The following NAV2 variants were observed in gnomAD, a reference collection of about 807,000 sequenced individuals.
NAV2 encodes the protein helicase, APC down-regulated 1.
Under a neutral mutation model 223.2 loss-of-function variants are expected in NAV2, and 54 were observed. That is an observed-to-expected ratio of 0.24 (90% CI 0.19 to 0.30). The LOEUF is 0.30. Among genes scored for constraint, NAV2 ranks in the 10% least tolerant of loss-of-function variants. The pLI is 1.00. For synonymous variants in NAV2, 1,279 were observed against 1,239.3 expected (o/e 1.03, Z -0.67); for missense variants, 2,806 against 3,147.5 (o/e 0.89, Z 2.60).
At chr11:19,618,272 G>A (rs943913577) in intron 1 of NAV2, among the ~76,000 whole-genome samples, 1 of 151,524 alleles carries the variant, frequency 6.6e-6, no homozygotes, top group Non-Finnish European at 1.5e-5. Context: ...GTGGCTGGAT[G>A]GATCAATGGA....
chr11:19,655,095 A>G (rs1214272764), intron 1 of NAV2, among the ~76,000 whole-genome samples: 1 of 152,250 alleles, frequency 6.6e-6, no homozygotes, highest in Non-Finnish European at 1.5e-5. Context: ...ATGAACAGAC[A>G]CTTCTCAAAA....
chr11:19,679,436 A>AAAAAAAAAAAAAAAAAAACAC (rs1470340544), intron 1 of NAV2, among the ~76,000 whole-genome samples: 1 of 151,726 alleles, frequency 6.6e-6, no homozygotes, highest in African/African-American at 2.4e-5. Context: ...GTCTCAAAAA[A>AAAAAAAAAAAAAAAAAAACAC]ACACAAAAAG....
intron 1 of NAV2, among the ~76,000 whole-genome samples, chr11:19,819,548 G>A (rs2059270005): frequency 6.6e-6 from 1 of 152,180 alleles, no homozygotes; most frequent in Non-Finnish European, 1.5e-5. Context: ...GGAGGCACAT[G>A]GGACCAGAGA....
At chr11:19,739,882 G>A (rs913972227) in intron 1 of NAV2, among the ~76,000 whole-genome samples, 3 of 152,174 alleles carry the variant, frequency 2.0e-5, no homozygotes, top group African/African-American at 7.2e-5. Context: ...GAGGGCCCTG[G>A]TGTTTGCTTT....
chr11:19,776,178 A>G (rs574030957), intron 1 of NAV2, among the ~76,000 whole-genome samples: 1 of 152,198 alleles, frequency 6.6e-6, no homozygotes, highest in Non-Finnish European at 1.5e-5. Flanking sequence ...ATCAGAAACA[A>G]GTTCCGAGGT....
chr11:19,877,474 T>TTTTTTTTTTTCTTTTTTCTTTTC (rs1264497937), intron 4 of NAV2, among the ~76,000 whole-genome samples: 1 of 130,426 alleles, frequency 7.7e-6, no homozygotes. Flanking sequence ...TTCATTCTTT[T>TTTTTTTTTTTCTTTTTTCTTTTC]TTTTTTTTTT....
At chr11:19,791,313 G>A (rs377418310) in intron 1 of NAV2, among the ~76,000 whole-genome samples, 3 of 152,244 alleles carry the variant, frequency 2.0e-5, no homozygotes, top group East Asian at 3.9e-4. Context: ...CGTTGGAACC[G>A]CATCTTTGAG....
chr11:19,836,114 T>G (rs2060213052), intron 2 of NAV2, among the ~76,000 whole-genome samples: 1 of 152,192 alleles, frequency 6.6e-6, no homozygotes, highest in Non-Finnish European at 1.5e-5. Flanking sequence ...CCAGCCTGGG[T>G]TGGATTGTTT....
chr11:19,977,700 CT>C (rs1389482693), intron 10 of NAV2, among the ~76,000 whole-genome samples: 5 of 150,370 alleles, frequency 3.3e-5, no homozygotes, highest in South Asian at 4.2e-4. Flanking sequence ...AAATTAAGCC[CT>C]TTTTTTTTCC....
intron 1 of NAV2, among the ~76,000 whole-genome samples, chr11:19,707,273 T>C (rs964079922): frequency 7.2e-5 from 11 of 152,250 alleles, no homozygotes; most frequent in African/African-American, 2.7e-4. Context: ...TTTTTTACTT[T>C]ATAAACTTTT....
chr11:19,642,020 G>A (rs2047680460), intron 1 of NAV2, among the ~76,000 whole-genome samples: 1 of 152,224 alleles, frequency 6.6e-6, no homozygotes, highest in Non-Finnish European at 1.5e-5. Flanking sequence ...CATATAGCAG[G>A]TACTGAATAG....
intron 1 of NAV2, among the ~76,000 whole-genome samples, chr11:19,776,668 G>GTGTGTGTGTGTGTGTT (rs1170413542): frequency 6.7e-6 from 1 of 150,050 alleles, no homozygotes; most frequent in Non-Finnish European, 1.5e-5. Flanking sequence ...GTGTGTGTGT[G>GTGTGTGTGTGTGTGTT]TGTGTGTGGT....
At chr11:19,924,504 AG>A in intron 6 of NAV2, among the ~76,000 whole-genome samples, 1 of 152,280 alleles carries the variant, frequency 6.6e-6, no homozygotes, top group African/African-American at 2.4e-5. Context: ...AAAGTCACTG[AG>A]AAAAACTGGG....
In NAV2 at chr11:19,792,733, C is replaced by T. The variant is rs538682497; in HGVS notation, c.268-39751C>T. On this transcript the variant is annotated intron_variant, in intron 1 of 37. Transcript: ENST00000349880. ...GGTACTCTTAATACTCTTATCTCAG[C>T]ATGCCTTCTGGGTTTACTGAAGCAT... Among the ~76,000 whole-genome samples, 3 of 152,264 alleles carry T rather than the reference C, an allele frequency of 2.0e-5. No homozygotes were observed. In the South Asian group the frequency reaches 6.2e-4, roughly 32 times the overall value.
chr11:20,003,150 G>T (rs1670719499), intron 11 of NAV2, among the ~76,000 whole-genome samples: 1 of 152,204 alleles, frequency 6.6e-6, no homozygotes, highest in African/African-American at 2.4e-5. Context: ...GAGGGGAAAG[G>T]TGGGATTCTG....
At chr11:19,876,450 A>G (rs1451758459) in intron 4 of NAV2, among the ~76,000 whole-genome samples, 1 of 152,208 alleles carries the variant, frequency 6.6e-6, no homozygotes, top group Non-Finnish European at 1.5e-5. Context: ...TAAAATCTCA[A>G]AGTGTATAAA....
chr11:19,654,929 G>T (rs2048076522), intron 1 of NAV2, among the ~76,000 whole-genome samples: 1 of 152,160 alleles, frequency 6.6e-6, no homozygotes, highest in Non-Finnish European at 1.5e-5. Flanking sequence ...CACAGCAAAA[G>T]AAACTGCCAT....
chr11:19,654,423 C>T (rs910681082), intron 1 of NAV2, among the ~76,000 whole-genome samples: 3 of 152,086 alleles, frequency 2.0e-5, no homozygotes, highest in Non-Finnish European at 4.4e-5. Context: ...AAAAAGAGCC[C>T]ACATTGCCAA....
Position 19,850,666 on chromosome 11 carries a change from A to G in NAV2, c.438+7743A>G, listed in dbSNP as rs141824887. On this transcript the variant is annotated intron_variant, in intron 3 of 37. Transcript: ENST00000349880. ...CTCAGTTTATCCAGAGGACCCAAATAGAACATTGTAATTACTCTCAGGACT... is the reference window on the plus strand; with the variant it reads ...CTCAGTTTATCCAGAGGACCCAAATGGAACATTGTAATTACTCTCAGGACT... 6.7e-3 allele frequency among the ~76,000 whole-genome samples: 1,016 copies of G among 152,330 alleles called. 11 individuals are homozygous for G. The highest frequency in any genetic ancestry group is 0.023 in the African/African-American group (964 of 41,570).
Sources: allele counts gnomAD v4.1 joint callset (sites outside exome capture counted in the v4.1 genomes callset), GRCh38; gene constraint gnomAD v4.1.1; transcripts MANE v1.5; gene names NCBI Gene and HGNC (gene_info 2026-07-23, HGNC 2026-07-21).